PAG1: variants seen among roughly 807,000 people sequenced by gnomAD.
PAG1 encodes phosphoprotein associated with glycosphingolipid-enriched microdomains 1.
In PAG1, 23 loss-of-function variants were observed where a neutral mutation model predicts 31.7. The observed-to-expected ratio is 0.73, with a 90% CI of 0.52 to 1.03. The LOEUF is 1.03. Ranked by LOEUF, PAG1 falls within the 50% of genes least tolerant of loss-of-function variation. The probability of loss-of-function intolerance (pLI) is 0.00; values close to 1 mark genes in which losing one functional copy is unlikely to be tolerated. For synonymous variants in PAG1, 214 were observed against 210.3 expected, an observed-to-expected ratio of 1.02 and a Z score of -0.15; for missense variants, 473 against 540.7, an observed-to-expected ratio of 0.87 and a Z score of 1.24.
At position 80,993,271 on chromosome 8, in the gene PAG1, C is replaced by T. The variant is rs746836770; in HGVS notation, c.-44G>A. The T allele has an allele frequency of 5.8e-6, 9 of 1,563,404 alleles. No homozygotes were observed. Among genetic ancestry groups the T allele is most frequent in the Non-Finnish European group, 6.9e-6 (8 of 1,155,702 alleles). ...CACCAGCCGAGGGAATCAGTCAGTCCTTCAAAGGTGGTGACATGGAGGCAG... is the reference window on the plus strand; with the variant it reads ...CACCAGCCGAGGGAATCAGTCAGTCTTTCAAAGGTGGTGACATGGAGGCAG... On this transcript the variant is annotated 5_prime_UTR_variant, in exon 4 of 9. Coordinates refer to ENST00000220597, the MANE Select transcript of PAG1 (RefSeq NM_018440.4).
chr8:80,998,417 C>T (rs1319806068), intron 3 of PAG1, among the ~76,000 whole-genome samples: 1 of 151,946 alleles, frequency 6.6e-6, no homozygotes, highest in Non-Finnish European at 1.5e-5. Context: ...CGTGAACCAC[C>T]ATGACCGGCC....
At chr8:81,051,525 A>G (rs933812735) in intron 2 of PAG1, among the ~76,000 whole-genome samples, 3 of 152,222 alleles carry the variant, frequency 2.0e-5, no homozygotes, top group Non-Finnish European at 4.4e-5. Flanking sequence ...TTATAAAAAG[A>G]CTTCATTCCA....
intron 3 of PAG1, among the ~76,000 whole-genome samples, chr8:81,004,995 G>A (rs1344922080): frequency 1.3e-5 from 2 of 152,208 alleles, no homozygotes; most frequent in Non-Finnish European, 2.9e-5. Context: ...GAAGAAAACT[G>A]ATTTCACTTT....
At chr8:80,981,371 C>A (rs1333792892) in intron 7 of PAG1, among the ~76,000 whole-genome samples, 2 of 151,998 alleles carry the variant, frequency 1.3e-5, no homozygotes, top group African/African-American at 4.8e-5. Context: ...TAGTCAACTG[C>A]CAATCATACG....
At chr8:81,107,304 C>T (rs1476745096) in intron 1 of PAG1, among the ~76,000 whole-genome samples, 2 of 152,192 alleles carry the variant, frequency 1.3e-5, no homozygotes, top group Non-Finnish European at 2.9e-5. Flanking sequence ...TGTGTCTTCC[C>T]ACCATTCCTT....
chr8:81,072,331 T>C (rs890891938), intron 1 of PAG1, among the ~76,000 whole-genome samples: 4 of 152,200 alleles, frequency 2.6e-5, no homozygotes, highest in East Asian at 1.9e-4. Context: ...GAAATAACTA[T>C]AAACACCAAT....
intron 8 of PAG1, among the ~76,000 whole-genome samples, chr8:80,977,446 T>C (rs1183737671): frequency 6.6e-6 from 1 of 152,118 alleles, no homozygotes; most frequent in Non-Finnish European, 1.5e-5. Flanking sequence ...CGGTGCTGAT[T>C]CTGATGGCCA....
At chr8:81,033,996 T>C (rs2705494) in intron 2 of PAG1, among the ~76,000 whole-genome samples, 135,342 of 152,326 alleles carry the variant, frequency 0.89, 60,596 homozygotes, top group African/African-American at 0.96. Context: ...TTGAGGAGAA[T>C]AGACTTCAGC....
At chr8:81,076,282 C>A (rs919297302) in intron 1 of PAG1, among the ~76,000 whole-genome samples, 1 of 152,198 alleles carries the variant, frequency 6.6e-6, no homozygotes, top group Non-Finnish European at 1.5e-5. Flanking sequence ...TTTGGACATA[C>A]CAGTTTCCTT....
chr8:81,051,709 T>A (rs1210278538), intron 2 of PAG1, among the ~76,000 whole-genome samples: 1 of 152,246 alleles, frequency 6.6e-6, no homozygotes, highest in Non-Finnish European at 1.5e-5. Flanking sequence ...GATGTTTCCT[T>A]TGATCTTTGA....
intron 3 of PAG1, among the ~76,000 whole-genome samples, chr8:81,026,256 G>A (rs892904467): frequency 2.6e-5 from 4 of 151,580 alleles, no homozygotes; most frequent in South Asian, 2.1e-4. Context: ...GCTGAGGCAC[G>A]AGAATCGCTT....
At chr8:80,993,479 T>C (rs1209782469) in intron 3 of PAG1, among the ~76,000 whole-genome samples, 172 bp from the exon 4 acceptor site, 1 of 152,156 alleles carries the variant, frequency 6.6e-6, no homozygotes, top group Non-Finnish European at 1.5e-5. Context: ...GTCCCCTCCA[T>C]GGTCTAGGTC....
chr8:80,968,459 A>C lies in PAG1; in HGVS notation c.*8085T>G, dbSNP rs1336836465. The C allele has an allele frequency of 6.6e-6, 1 of 152,240 alleles. No homozygotes were observed. Among genetic ancestry groups the C allele is most frequent in the Non-Finnish European group, 1.5e-5 (1 of 68,038 alleles). The allele number at this position is 152,240 out of a possible 1,614,324, so 9.4% of individuals were successfully genotyped here. On this transcript the variant is annotated 3_prime_UTR_variant, in exon 9 of 9. Coordinates refer to ENST00000220597, the MANE Select transcript of PAG1 (RefSeq NM_018440.4). ...CCTTTACACTAAATTGTCCCACTTG[A>C]GAATTTAATTCAATAACTCTACACT...
At chr8:81,089,296 G>A (rs1312224185) in intron 1 of PAG1, among the ~76,000 whole-genome samples, 3 of 152,202 alleles carry the variant, frequency 2.0e-5, no homozygotes, top group Non-Finnish European at 4.4e-5. Context: ...TGGGCCAGGC[G>A]CAGTGGCTCA....
chr8:81,031,985 C>T (rs72674038), intron 2 of PAG1, among the ~76,000 whole-genome samples: 7,443 of 152,194 alleles, frequency 0.049, 190 homozygotes, highest in East Asian at 0.097. Context: ...GCTTTTTCAA[C>T]AAATGGTTCT....
rs377205419 is a variant in PAG1, at chr8:81,073,214, G to A, written c.-233-3044C>T. On this transcript the variant is annotated intron_variant, in intron 1 of 8. Transcript: ENST00000220597. Reference sequence around the variant, plus strand: ...ATATCTCTTTTCCTCAAACCACAGCGAATTAGGCATATTTAGCCTGCAGAT... The same window carrying A: ...ATATCTCTTTTCCTCAAACCACAGCAAATTAGGCATATTTAGCCTGCAGAT... 5.9e-5 allele frequency among the ~76,000 whole-genome samples: 9 copies of A among 152,264 alleles called. 2 individuals are homozygous for A. Among genetic ancestry groups the A allele is most frequent in the Admixed American group, 3.3e-4 (5 of 15,292 alleles).
At position 80,971,451 on chromosome 8, in the gene PAG1, C is replaced by G. The variant is rs138086589; in HGVS notation, c.*5093G>C. 2.2e-4 allele frequency: 34 copies of G among 152,258 alleles called. No individual in the cohort carries two copies. Among genetic ancestry groups the G allele is most frequent in the African/African-American group, 7.5e-4 (31 of 41,550 alleles). 9.4% of individuals were successfully genotyped at this position (152,258 alleles called of 1,614,324 possible). A position where few individuals can be genotyped will look rare whatever the true frequency, so the allele number is the denominator to read the frequency against. On this transcript the variant is annotated 3_prime_UTR_variant, in exon 9 of 9. Transcript: ENST00000220597. The stretch of plus-strand genomic sequence containing the variant: ...AAATATGAGGCATGTTAATACAACA[C>G]AATTATTTAAAAGGTAACAACATTA...
At chr8:80,993,361 C>T in intron 3 of PAG1, 54 bp from the exon 4 acceptor site, 3 of 912,978 alleles carry the variant, frequency 3.3e-6, no homozygotes, top group Admixed American at 2.8e-5. Flanking sequence ...GTGGCAGAAT[C>T]TGTAATTCGG....
At chr8:81,086,423 A>G (rs1401564077) in intron 1 of PAG1, among the ~76,000 whole-genome samples, 1 of 152,198 alleles carries the variant, frequency 6.6e-6, no homozygotes, top group Non-Finnish European at 1.5e-5. Flanking sequence ...TCAGACAGGA[A>G]TACATTAAAG....
Sources: gnomAD v4.1 joint callset for allele counts (sites outside exome capture counted in the v4.1 genomes callset) on GRCh38, gnomAD v4.1.1 for gene constraint, MANE v1.5 for transcripts, NCBI Gene and HGNC (gene_info 2026-07-23, HGNC 2026-07-21) for gene names.